Variants in SMYD3 observed in about 807,000 individuals in gnomAD.
SMYD3 encodes the protein histone-lysine N-methyltransferase SMYD3.
Under a neutral mutation model 57.7 loss-of-function variants are expected in SMYD3, and 36 were observed. The ratio of observed to expected loss-of-function variants is 0.62; its 90% CI spans 0.48 to 0.82. The LOEUF (loss-of-function observed/expected upper bound fraction) is 0.82, where lower values mean the gene tolerates loss of function less well. Ranked by LOEUF, SMYD3 falls within the 40% of genes least tolerant of loss-of-function variation. The pLI is 0.00. For synonymous variants in SMYD3, 211 were observed against 195.0 expected (o/e 1.08, Z -0.68); for missense variants, 515 against 538.8 (o/e 0.96, Z 0.44).
intron 5 of SMYD3, among the ~76,000 whole-genome samples, chr1:246,063,460 G>C (rs1227239015): frequency 2.0e-5 from 3 of 152,088 alleles, no homozygotes; most frequent in South Asian, 2.1e-4. Flanking sequence ...CCAGATAAGG[G>C]GGAAACACTT....
intron 10 of SMYD3, among the ~76,000 whole-genome samples, chr1:245,774,059 G>A (rs2046440368): frequency 6.7e-6 from 1 of 150,284 alleles, no homozygotes; most frequent in South Asian, 2.1e-4. Context: ...TGAAAACAAT[G>A]TAGAACGCTC....
chr1:246,499,392 C>T (rs541509792), intron 1 of SMYD3, among the ~76,000 whole-genome samples: 2 of 104,220 alleles, frequency 1.9e-5, no homozygotes, highest in African/African-American at 7.0e-5. Flanking sequence ...GTAACCAAAC[C>T]ATCAAATATA....
chr1:246,063,781 A>G (rs1313989858), intron 5 of SMYD3, among the ~76,000 whole-genome samples: 1 of 152,084 alleles, frequency 6.6e-6, no homozygotes, highest in African/African-American at 2.4e-5. Flanking sequence ...CTGGGATTAC[A>G]GGCGCATGCC....
intron 5 of SMYD3, among the ~76,000 whole-genome samples, chr1:245,956,675 A>ACTACTCCC (rs2057854140): frequency 6.6e-6 from 1 of 151,824 alleles, no homozygotes; most frequent in Non-Finnish European, 1.5e-5. Context: ...CTCCTCCTGT[A>ACTACTCCC]CTACTCCCCT....
chr1:246,372,658 G>A (rs1344373534), intron 1 of SMYD3, among the ~76,000 whole-genome samples: 1 of 152,130 alleles, frequency 6.6e-6, no homozygotes, highest in Non-Finnish European at 1.5e-5. Context: ...ATCTCTTGAG[G>A]GCAGGGGTTA....
At chr1:246,406,291 A>C (rs2066865380) in intron 1 of SMYD3, among the ~76,000 whole-genome samples, 1 of 152,168 alleles carries the variant, frequency 6.6e-6, no homozygotes, top group South Asian at 2.1e-4. Context: ...AATGTTTGTA[A>C]ATCTATTAGT....
chr1:245,869,363 T>C (rs1454386876), intron 8 of SMYD3, among the ~76,000 whole-genome samples: 1 of 152,212 alleles, frequency 6.6e-6, no homozygotes, highest in African/African-American at 2.4e-5. Context: ...CCTGACCCAC[T>C]GCATGACCCC....
chr1:245,938,354 G>T (rs2057068259), intron 5 of SMYD3, among the ~76,000 whole-genome samples: 1 of 152,174 alleles, frequency 6.6e-6, no homozygotes, highest in Non-Finnish European at 1.5e-5. Flanking sequence ...CTCCTTCTTT[G>T]GTTGCCCAAG....
intron 9 of SMYD3, among the ~76,000 whole-genome samples, chr1:245,860,501 A>G (rs1227321519): frequency 6.6e-6 from 1 of 152,178 alleles, no homozygotes; most frequent in African/African-American, 2.4e-5. Context: ...CCGGAGACAC[A>G]GTATCTTACT....
chr1:246,305,068 T>C (rs1244806485), intron 5 of SMYD3, among the ~76,000 whole-genome samples: 2 of 152,208 alleles, frequency 1.3e-5, no homozygotes, highest in Admixed American at 1.3e-4. Flanking sequence ...GAGCATGTGT[T>C]ACTTTACAAT....
chr1:246,401,295 A>C (rs2066763941), intron 1 of SMYD3, among the ~76,000 whole-genome samples: 1 of 152,096 alleles, frequency 6.6e-6, no homozygotes, highest in Non-Finnish European at 1.5e-5. Context: ...CCATGAGTTC[A>C]AGACCAGCCT....
chr1:246,191,301 C>T lies in SMYD3; in HGVS notation c.531+135900G>A, dbSNP rs184880726. Reference sequence around the variant, plus strand: ...GTTTGGTGGACCCACAAATAATGGTCCTGCCTAGAACCATCACCGCAAGCT... The same window carrying T: ...GTTTGGTGGACCCACAAATAATGGTTCTGCCTAGAACCATCACCGCAAGCT... On this transcript the variant is annotated intron_variant, in intron 5 of 11. Transcript: ENST00000490107. Among the ~76,000 whole-genome samples the T allele has an allele frequency of 2.6e-5, 4 of 152,306 alleles. No individual in the cohort carries two copies. In the East Asian group the frequency reaches 7.7e-4, roughly 29 times the overall value.
chr1:245,936,334 A>G (rs1475777328), intron 5 of SMYD3, among the ~76,000 whole-genome samples: 1 of 151,200 alleles, frequency 6.6e-6, no homozygotes, highest in Non-Finnish European at 1.5e-5. Context: ...AAATGTTAGG[A>G]GGAGAACATA....
chr1:246,105,817 G>A (rs971472698), intron 5 of SMYD3, among the ~76,000 whole-genome samples: 10 of 152,140 alleles, frequency 6.6e-5, no homozygotes, highest in Admixed American at 3.3e-4. Context: ...CCATGCCAAC[G>A]TGCCTCCTGA....
At chr1:246,085,883 A>G (rs929265762) in intron 5 of SMYD3, among the ~76,000 whole-genome samples, 2 of 152,046 alleles carry the variant, frequency 1.3e-5, no homozygotes, top group Non-Finnish European at 2.9e-5. Flanking sequence ...TCAACCTTAA[A>G]GGATTTGATA....
intron 5 of SMYD3, chr1:246,186,866 T>C: frequency 1.0e-6 from 1 of 985,470 alleles, no homozygotes; most frequent in Non-Finnish European, 1.2e-6. Flanking sequence ...CAGGCACAGT[T>C]ACCTCGCAGG....
intron 1 of SMYD3, among the ~76,000 whole-genome samples, chr1:246,502,473 T>C (rs2068471991): frequency 2.0e-5 from 3 of 152,204 alleles, no homozygotes; most frequent in Admixed American, 2.0e-4. Flanking sequence ...CTCCTGAATA[T>C]GCGCCATTTT....
intron 7 of SMYD3, among the ~76,000 whole-genome samples, chr1:245,918,307 C>T (rs978522205): frequency 1.5e-4 from 23 of 152,026 alleles, no homozygotes; most frequent in African/African-American, 5.3e-4. Context: ...GAAGACTGCA[C>T]CCAGATCTCT....
intron 5 of SMYD3, among the ~76,000 whole-genome samples, chr1:246,015,073 T>G (rs1377595848): frequency 6.6e-6 from 1 of 152,134 alleles, no homozygotes; most frequent in Non-Finnish European, 1.5e-5. Flanking sequence ...GCCCACTGAA[T>G]TCCCTAAAAA....
Sources: gnomAD v4.1 joint callset for allele counts (sites outside exome capture counted in the v4.1 genomes callset) on GRCh38, gnomAD v4.1.1 for gene constraint, MANE v1.5 for transcripts, NCBI Gene and HGNC (gene_info 2026-07-23, HGNC 2026-07-21) for gene names.